Variants in CDC73 observed in about 807,000 individuals in gnomAD.
CDC73 encodes the protein cell division cycle 73.
CDC73 carries 21 observed loss-of-function variants against 83.7 expected under a neutral mutation model. The ratio of observed to expected loss-of-function variants is 0.25; its 90% CI spans 0.18 to 0.36. The LOEUF (loss-of-function observed/expected upper bound fraction) is 0.36, where lower values mean the gene tolerates loss of function less well. CDC73 is among the 10% of genes least tolerant of loss of function. The pLI is 1.00. For missense variants in CDC73, 342 were observed against 653.3 expected, an observed-to-expected ratio of 0.52 and a Z score of 5.19; for synonymous variants, 224 against 212.9, an observed-to-expected ratio of 1.05 and a Z score of -0.45.
intron 10 of CDC73, chr1:193,180,896 T>C (rs771582358): frequency 1.2e-6 from 2 of 1,613,874 alleles, no homozygotes; most frequent in East Asian, 2.2e-5. Flanking sequence ...TTATAGTACG[T>C]ATCTAAGTAT....
intron 10 of CDC73, among the ~76,000 whole-genome samples, chr1:193,191,553 A>T (rs986235086): frequency 4.0e-5 from 6 of 151,848 alleles, no homozygotes; most frequent in African/African-American, 1.2e-4. Flanking sequence ...ACACTTGGCT[A>T]ATTTTTGTAT....
At chr1:193,216,241 A>G (rs1677364838) in intron 13 of CDC73, among the ~76,000 whole-genome samples, 1 of 152,152 alleles carries the variant, frequency 6.6e-6, no homozygotes, top group South Asian at 2.1e-4. Flanking sequence ...AATAAACACA[A>G]TCAGAAATGA....
chr1:193,122,394 T>A, intron 1 of CDC73, 63 bp downstream of exon 1: 1 of 1,608,402 alleles, frequency 6.2e-7, no homozygotes, highest in East Asian at 2.2e-5. Context: ...CCAGGCGACC[T>A]CTTTCTTAAC....
In CDC73 at chr1:193,125,127, C is replaced by T. The variant is rs1310600802; in HGVS notation, c.147C>T (p.Gly49=). The change falls in exon 2 of 17, where the codon GGC becomes GGT. Residue 49 remains glycine, a synonymous_variant. Coordinates refer to ENST00000367435, the MANE Select transcript of CDC73 (RefSeq NM_024529.5). ...NYVVWGTGKE[G]QPREYYTLDS... ...ATTATTTCAGGACTGGAAAGGAAGG[C>T]CAACCCAGAGAGTACTACACATTGG... is the stretch of plus-strand genomic sequence containing the variant. 4 of 1,596,150 alleles carry T rather than the reference C, an allele frequency of 2.5e-6. No individual in the cohort carries two copies. Among genetic ancestry groups the T allele is most frequent in the Non-Finnish European group, 3.4e-6 (4 of 1,163,596 alleles).
chr1:193,214,767 T>A (rs1411244515), intron 13 of CDC73, among the ~76,000 whole-genome samples: 1 of 152,212 alleles, frequency 6.6e-6, no homozygotes, highest in African/African-American at 2.4e-5. Context: ...CCACTTAGAT[T>A]GTTTGCAGTT....
chr1:193,153,392 A>G (rs1676154782), intron 10 of CDC73, among the ~76,000 whole-genome samples: 1 of 152,156 alleles, frequency 6.6e-6, no homozygotes, highest in Non-Finnish European at 1.5e-5. Flanking sequence ...AGATTATTAT[A>G]CTTTTAAAAT....
At chr1:193,216,713 C>T (rs570092658) in intron 13 of CDC73, among the ~76,000 whole-genome samples, 2 of 152,058 alleles carry the variant, frequency 1.3e-5, no homozygotes, top group Non-Finnish European at 2.9e-5. Flanking sequence ...ATTAGAAAAT[C>T]GAATCCAGCA....
chr1:193,222,299 A>G (rs1677486138), intron 13 of CDC73, among the ~76,000 whole-genome samples: 1 of 152,182 alleles, frequency 6.6e-6, no homozygotes. Flanking sequence ...TTCTCCTTAC[A>G]TCCGCCAAAT....
intron 13 of CDC73, among the ~76,000 whole-genome samples, chr1:193,216,662 C>T (rs1216908149): frequency 6.6e-6 from 1 of 151,892 alleles, no homozygotes; most frequent in Non-Finnish European, 1.5e-5. Flanking sequence ...AACCTGCTGG[C>T]CAGTATCCCT....
intron 11 of CDC73, among the ~76,000 whole-genome samples, chr1:193,208,778 C>G (rs1437604795): frequency 6.6e-6 from 1 of 152,072 alleles, no homozygotes; most frequent in Non-Finnish European, 1.5e-5. Context: ...TCTCTGTGGT[C>G]TACACATTTG....
At chr1:193,162,349 CAT>C (rs1491526219) in intron 10 of CDC73, among the ~76,000 whole-genome samples, 7 of 132,556 alleles carry the variant, frequency 5.3e-5, no homozygotes, top group African/African-American at 2.0e-4. Flanking sequence ...ATTATATATA[CAT>C]ATATATTATA....
chr1:193,224,039 T>A (rs1423964999), intron 13 of CDC73, among the ~76,000 whole-genome samples: 1 of 152,050 alleles, frequency 6.6e-6, no homozygotes, highest in Non-Finnish European at 1.5e-5. Flanking sequence ...TTTTGAAATA[T>A]ACTGTAAATT....
At chr1:193,164,475 CA>C (rs1215875013) in intron 10 of CDC73, among the ~76,000 whole-genome samples, 3 of 152,090 alleles carry the variant, frequency 2.0e-5, no homozygotes, top group African/African-American at 4.8e-5. Context: ...TATTAATTTG[CA>C]GTGATAAATG....
At chr1:193,154,627 T>C (rs1249542534) in intron 10 of CDC73, among the ~76,000 whole-genome samples, 3 of 152,240 alleles carry the variant, frequency 2.0e-5, no homozygotes, top group Non-Finnish European at 4.4e-5. Flanking sequence ...CTGATAGTTA[T>C]ATTAATACCC....
At chr1:193,179,091 A>G (rs1372740951) in intron 10 of CDC73, 1 of 152,178 alleles carries the variant, frequency 6.6e-6, no homozygotes, top group Non-Finnish European at 1.5e-5. Flanking sequence ...ATAAAAGTGC[A>G]TTGTATACAT....
chr1:193,221,149 TAAAGAA>T (rs1288516282), intron 13 of CDC73, among the ~76,000 whole-genome samples: 1 of 151,968 alleles, frequency 6.6e-6, no homozygotes, highest in Non-Finnish European at 1.5e-5. Flanking sequence ...ACTAAGTAAA[TAAAGAA>T]AAAGAAAAGG....
chr1:193,201,126 TTGTAC>T (rs147057265), intron 10 of CDC73, among the ~76,000 whole-genome samples: 8,912 of 152,208 alleles, frequency 0.059, 364 homozygotes, highest in Non-Finnish European at 0.089. Flanking sequence ...AAAATTAAAG[TTGTAC>T]TGTACTGACC....
chr1:193,212,533 T>C (rs1201484122), intron 13 of CDC73, 56 bp downstream of exon 13: 1 of 1,131,360 alleles, frequency 8.8e-7, no homozygotes, highest in Non-Finnish European at 1.3e-6. Context: ...CATTGGAAAA[T>C]AGTAGTTACT....
In CDC73 at chr1:193,122,342, C is replaced by T. The variant is rs897026204; in HGVS notation, c.131+11C>T. 6.2e-7 allele frequency: 1 copy of T among 1,614,000 alleles called. No individual in the cohort carries two copies. Among genetic ancestry groups the T allele is most frequent in the Non-Finnish European group, 8.5e-7 (1 of 1,179,922 alleles). ...CTATGTTGTTTGGGGGTAAGTCCGGCATGGCTGTGGCCCAGGGGTGGCAGG... is the reference window on the plus strand; with the variant it reads ...CTATGTTGTTTGGGGGTAAGTCCGGTATGGCTGTGGCCCAGGGGTGGCAGG... On this transcript the variant is annotated intron_variant, in intron 1 of 16. Coordinates refer to ENST00000367435, the MANE Select transcript of CDC73 (RefSeq NM_024529.5).
Sources: allele counts gnomAD v4.1 joint callset (sites outside exome capture counted in the v4.1 genomes callset), GRCh38; gene constraint gnomAD v4.1.1; transcripts MANE v1.5; gene names NCBI Gene and HGNC (gene_info 2026-07-23, HGNC 2026-07-21).